The following FANK1 variants were observed in gnomAD, a reference collection of about 807,000 sequenced individuals.
FANK1 encodes the protein fibronectin type 3 and ankyrin repeat domains protein 1.
FANK1 carries 44 observed loss-of-function variants against 45.3 expected under a neutral mutation model. The observed-to-expected ratio is 0.97, with a 90% CI of 0.76 to 1.25. FANK1 has a LOEUF of 1.25. Ranked by LOEUF, FANK1 falls within the 50% of genes most tolerant of loss-of-function variation. The pLI, the probability that FANK1 is intolerant of heterozygous loss-of-function variation, is 0.00. For synonymous variants in FANK1, 149 were observed against 152.5 expected (o/e 0.98, Z 0.17); for missense variants, 391 against 424.4 (o/e 0.92, Z 0.69).
chr10:125,950,181 A>G (rs2134165076), intron 1 of FANK1, among the ~76,000 whole-genome samples: 1 of 150,956 alleles, frequency 6.6e-6, no homozygotes, highest in East Asian at 1.9e-4. Flanking sequence ...AAACCTAGGC[A>G]TTACCATTCA....
Position 125,965,660 on chromosome 10 carries a change from C to T in FANK1, c.14-14501C>T, listed in dbSNP as rs1239693287. 4.6e-5 allele frequency among the ~76,000 whole-genome samples: 7 copies of T among 152,216 alleles called. No homozygotes were observed. In the South Asian group the frequency reaches 6.2e-4, roughly 13 times the overall value. On this transcript the variant is annotated intron_variant, in intron 1 of 10. Coordinates refer to ENST00000368693, the MANE Select transcript of FANK1 (RefSeq NM_145235.5). ...TTGGTCTCCTCCTCTCTGTCCTCAT[C>T]TATAAATTGAGAACACCCCATCATC...
chr10:125,924,129 C>CAAA (rs1328462092), intron 1 of FANK1, among the ~76,000 whole-genome samples: 1 of 111,110 alleles, frequency 9.0e-6, no homozygotes, highest in African/African-American at 3.3e-5. Context: ...ACCAAAAAAC[C>CAAA]CACAAGTTTT....
chr10:125,972,128 G>A (rs1950557202), intron 1 of FANK1: 1 of 152,210 alleles, frequency 6.6e-6, no homozygotes, highest in Non-Finnish European at 1.5e-5. Flanking sequence ...AGCATATAGA[G>A]TTGGTGAAGT....
intron 1 of FANK1, among the ~76,000 whole-genome samples, chr10:125,900,264 G>A (rs1466915466): frequency 6.6e-6 from 1 of 152,236 alleles, no homozygotes; most frequent in Non-Finnish European, 1.5e-5. Flanking sequence ...TTATTTTCTT[G>A]CTAAACCAAC....
intron 1 of FANK1, among the ~76,000 whole-genome samples, chr10:125,919,913 C>G (rs1946824133): frequency 6.6e-6 from 1 of 152,146 alleles, no homozygotes; most frequent in Non-Finnish European, 1.5e-5. Context: ...TTTGTTTCTG[C>G]CTATAGTAAT....
At chr10:125,897,941 G>A (rs1010313487) in intron 1 of FANK1, among the ~76,000 whole-genome samples, 22 of 139,768 alleles carry the variant, frequency 1.6e-4, no homozygotes, top group South Asian at 6.8e-4. Flanking sequence ...CGGATCACGA[G>A]GTCAGGAGAT....
intron 1 of FANK1, among the ~76,000 whole-genome samples, chr10:125,963,962 G>T (rs1425020396): frequency 6.6e-6 from 1 of 151,502 alleles, no homozygotes; most frequent in East Asian, 1.9e-4. Flanking sequence ...TTGGGAGAAG[G>T]GTAAGACAAA....
At chr10:125,924,178 A>T in intron 1 of FANK1, among the ~76,000 whole-genome samples, 1 of 151,948 alleles carries the variant, frequency 6.6e-6, no homozygotes, top group African/African-American at 2.4e-5. Context: ...TTTGTATTTC[A>T]TTTGTTTGTT....
intron 1 of FANK1, among the ~76,000 whole-genome samples, chr10:125,898,566 C>T (rs1001612944): frequency 2.6e-5 from 4 of 151,830 alleles, no homozygotes; most frequent in Non-Finnish European, 5.9e-5. Context: ...GACCTGAGAG[C>T]AGCGTGGGTT....
At chr10:125,926,119 A>T (rs1947325742) in intron 1 of FANK1, among the ~76,000 whole-genome samples, 1 of 152,192 alleles carries the variant, frequency 6.6e-6, no homozygotes, top group Non-Finnish European at 1.5e-5. Flanking sequence ...ACTTAAGAAT[A>T]CTTTCATCGC....
At chr10:126,001,339 G>C (rs1952740873) in intron 6 of FANK1, among the ~76,000 whole-genome samples, 1 of 152,054 alleles carries the variant, frequency 6.6e-6, no homozygotes, top group Non-Finnish European at 1.5e-5. Flanking sequence ...AAGTAAACAG[G>C]GAAGTATATG....
chr10:125,997,571 C>T (rs1157010113), intron 6 of FANK1, 86 bp downstream of exon 6: 4 of 1,249,216 alleles, frequency 3.2e-6, no homozygotes, highest in Admixed American at 2.0e-5. Context: ...GTGATTTCAC[C>T]AAAACATTGT....
At position 126,009,413 on chromosome 10, in the gene FANK1, G is replaced by A. The variant is rs1412466007; in HGVS notation, c.1013G>A (p.Arg338Lys). 6.8e-6 allele frequency: 11 copies of A among 1,613,966 alleles called. No homozygotes were observed. The highest frequency in any genetic ancestry group is 6.7e-5 in the East Asian group (3 of 44,884). Reference sequence around the variant, plus strand: ...TTAGAAGAAAGGAAAAAAAAGCAGAGGCCAAAGAAGTCTTGTGTCTGCTGA... The same window carrying A: ...TTAGAAGAAAGGAAAAAAAAGCAGAAGCCAAAGAAGTCTTGTGTCTGCTGA... Reference protein sequence around the residue: ...SLLEERKKKQRPKKSCVC With the variant: ...SLLEERKKKQKPKKSCVC Residue 338 changes from arginine (R) to lysine (K), a missense_variant, in exon 11 of 11, where the codon AGG (arginine) becomes AAG (lysine). Physicochemically the swap from Arg to Lys is conservative, Grantham distance 26. Transcript: ENST00000368693.
chr10:125,915,698 C>T (rs113040563), intron 1 of FANK1, among the ~76,000 whole-genome samples: 1 of 152,224 alleles, frequency 6.6e-6, no homozygotes, highest in Non-Finnish European at 1.5e-5. Context: ...CCTGTAGTCC[C>T]AGCTACTCAG....
At chr10:126,001,792 C>A (rs1472842635) in intron 6 of FANK1, among the ~76,000 whole-genome samples, 1 of 151,768 alleles carries the variant, frequency 6.6e-6, no homozygotes, top group Non-Finnish European at 1.5e-5. Flanking sequence ...AGCGCCTGGT[C>A]TCAATGAGCT....
intron 1 of FANK1, among the ~76,000 whole-genome samples, chr10:125,954,891 A>C (rs1329197292): frequency 6.6e-6 from 1 of 152,198 alleles, no homozygotes; most frequent in Non-Finnish European, 1.5e-5. Flanking sequence ...ACTGCAATCC[A>C]GCCTGGGCAA....
At chr10:125,995,693 T>C in intron 4 of FANK1, 195 bp downstream of exon 4, 1 of 540,486 alleles carries the variant, frequency 1.9e-6, no homozygotes, top group African/African-American at 1.9e-5. Context: ...GTAAATGTTA[T>C]ATTTTGTGAT....
chr10:125,905,459 T>G, intron 1 of FANK1, among the ~76,000 whole-genome samples: 1 of 152,300 alleles, frequency 6.6e-6, no homozygotes, highest in Non-Finnish European at 1.5e-5. Context: ...ACATACTTCT[T>G]CTGTTTGGCT....
intron 1 of FANK1, among the ~76,000 whole-genome samples, chr10:125,907,702 G>C (rs61873387): frequency 3.3e-5 from 5 of 151,586 alleles, no homozygotes; most frequent in African/African-American, 1.2e-4. Context: ...TAGCATGCAC[G>C]CAAGATTCTC....
Sources: allele counts gnomAD v4.1 joint callset (sites outside exome capture counted in the v4.1 genomes callset), GRCh38; gene constraint gnomAD v4.1.1; transcripts MANE v1.5; gene names NCBI Gene and HGNC (gene_info 2026-07-23, HGNC 2026-07-21).